The following PTRH1 variants were observed in gnomAD, a reference collection of about 807,000 sequenced individuals.
The protein encoded by PTRH1 is peptidyl-tRNA hydrolase.
A neutral mutation model predicts 15.7 loss-of-function variants in PTRH1; 13 were observed. The observed-to-expected ratio is 0.83, with a 90% CI of 0.54 to 1.31. The LOEUF (loss-of-function observed/expected upper bound fraction) is 1.31. Among genes scored for constraint, PTRH1 ranks in the 40% most tolerant of loss-of-function variants. The pLI is 0.00. For missense variants in PTRH1, 319 were observed against 296.2 expected (o/e 1.08, Z -0.56); for synonymous variants, 139 against 136.7 (o/e 1.02, Z -0.12).
intron 1 of PTRH1, among the ~76,000 whole-genome samples, chr9:127,698,237 A>C (rs188419713): frequency 2.0e-5 from 3 of 152,368 alleles, no homozygotes; most frequent in Non-Finnish European, 4.4e-5. Flanking sequence ...TCTATTTAAA[A>C]ATAAATGAAA....
chr9:127,712,726 G>A (rs1362500574), downstream of PTRH1: 2 of 1,614,066 alleles, frequency 1.2e-6, no homozygotes, highest in East Asian at 2.2e-5. Context: ...GCGATGAAGA[G>A]GACAGTGACG....
At chr9:127,709,456 G>A (rs1299687857), downstream of PTRH1, 3 of 1,613,814 alleles carry the variant, frequency 1.9e-6, no homozygotes, top group South Asian at 1.1e-5. This position sits in a 1 kb window ranked among gnomAD's most constrained non-coding sequence, Gnocchi z 4.7. Flanking sequence ...GGCTGTGCAG[G>A]AGAAGATGTT....
At chr9:127,700,914 T>C (rs930856545) in intron 1 of PTRH1, among the ~76,000 whole-genome samples, 4 of 152,188 alleles carry the variant, frequency 2.6e-5, no homozygotes, top group African/African-American at 4.8e-5. Context: ...TCTGGCCAAT[T>C]TACAGAGCAC....
chr9:127,703,944 G>A (rs1315353005), intron 1 of PTRH1, among the ~76,000 whole-genome samples: 3 of 152,204 alleles, frequency 2.0e-5, no homozygotes, highest in Non-Finnish European at 2.9e-5. Context: ...ACACAGGGAT[G>A]GGCAGGGAGG....
At position 127,706,152 on chromosome 9, in the gene PTRH1, A is replaced by G. The variant is rs940389564; in HGVS notation, c.205+9283T>C. On this transcript the variant is annotated intron_variant, in intron 1 of 2. Coordinates refer to the PTRH1 transcript ENST00000335223. Reference sequence around the variant, plus strand: ...TTGGCCCAAGGACCCACTGGAGGTCAGACAGAGCCCAAATGTGAGCCCACT... The same window carrying G: ...TTGGCCCAAGGACCCACTGGAGGTCGGACAGAGCCCAAATGTGAGCCCACT... 2.0e-5 allele frequency among the ~76,000 whole-genome samples: 3 copies of G among 152,308 alleles called. No homozygotes were observed. The East Asian group carries it at 5.8e-4, about 29-fold the overall frequency.
downstream of PTRH1, chr9:127,711,124 G>C: frequency 7.2e-7 from 1 of 1,392,830 alleles, no homozygotes; most frequent in South Asian, 1.4e-5. Flanking sequence ...GAGAGAGCAT[G>C]CTGGTGTTTA....
chr9:127,697,810 TCTC>T (rs1256471268), intron 1 of PTRH1, among the ~76,000 whole-genome samples: 1 of 152,126 alleles, frequency 6.6e-6, no homozygotes, highest in Admixed American at 6.6e-5. Context: ...AGAATTTGAG[TCTC>T]CTCCTGGAGG....
chr9:127,694,887 G>T, intron 2 of PTRH1: 5 of 672,758 alleles, frequency 7.4e-6, no homozygotes, highest in Non-Finnish European at 1.1e-5. Context: ...GAAGCAGAAG[G>T]CCAGAGTGGT....
intron 2 of PTRH1, 97 bp from the exon 3 acceptor site, chr9:127,714,799 C>T: frequency 8.5e-7 from 1 of 1,171,940 alleles, no homozygotes; most frequent in Non-Finnish European, 1.2e-6. Flanking sequence ...AATCCCACTT[C>T]ACATATAAAG....
chr9:127,701,094 A>C (rs755860010), intron 1 of PTRH1, among the ~76,000 whole-genome samples: 2 of 152,196 alleles, frequency 1.3e-5, no homozygotes, highest in Non-Finnish European at 2.9e-5. Context: ...CCCCTCCTAC[A>C]ATCTGCTGAA....
At chr9:127,712,741 C>T (rs553511710), downstream of PTRH1, 36 of 1,614,162 alleles carry the variant, frequency 2.2e-5, 1 homozygote, top group Middle Eastern at 3.3e-4. Flanking sequence ...GTGACGTTGA[C>T]GTGACGTTCC....
chr9:127,698,957 G>T (rs1381977880), intron 1 of PTRH1, among the ~76,000 whole-genome samples: 1 of 149,396 alleles, frequency 6.7e-6, no homozygotes, highest in South Asian at 2.1e-4. Flanking sequence ...CTGGAGTGCA[G>T]CGGTGTGATC....
chr9:127,713,011 T>A (rs1588395842), downstream of PTRH1: 2 of 1,611,426 alleles, frequency 1.2e-6, no homozygotes, highest in African/African-American at 2.7e-5. Flanking sequence ...CTCGGCCCCC[T>A]CCCCACAGCC....
At chr9:127,709,751 CCT>C, downstream of PTRH1, 1 of 1,552,528 alleles carries the variant, frequency 6.4e-7, no homozygotes, top group Non-Finnish European at 8.8e-7. The surrounding 1 kb of genome is among the most constrained non-coding windows in gnomAD (Gnocchi z 4.7). Flanking sequence ...TATCACTGAC[CCT>C]GTTTCTCACC....
At chr9:127,701,914 CA>C (rs111470749) in intron 1 of PTRH1, among the ~76,000 whole-genome samples, 256 of 135,150 alleles carry the variant, frequency 1.9e-3, no homozygotes, top group Middle Eastern at 3.9e-3. Flanking sequence ...AACTCTGTCT[CA>C]AAAAAAAAAA....
downstream of PTRH1, chr9:127,710,460 G>C (rs1842739001): frequency 1.0e-6 from 1 of 971,454 alleles, no homozygotes; most frequent in Admixed American, 2.5e-5. Flanking sequence ...CAGGGTAGGT[G>C]GGGGATGGTA....
chr9:127,707,622 C>A (rs1013288522), intron 1 of PTRH1, among the ~76,000 whole-genome samples: 3 of 152,176 alleles, frequency 2.0e-5, no homozygotes, highest in Non-Finnish European at 4.4e-5. Flanking sequence ...AGTTGTTTCT[C>A]CATGCTGGGC....
chr9:127,713,924 T>C lies in PTRH1; in HGVS notation c.*176A>G. ...CAAGTAGGACACAGAGAGAAGAACC[T>C]ACTCCAGAAATGGACTGGTCCAGTC... On this transcript the variant is annotated 3_prime_UTR_variant, in exon 5 of 5. Transcript: ENST00000543175. The C allele has an allele frequency of 6.2e-7, 1 of 1,611,300 alleles. No individual in the cohort carries two copies. The highest frequency in any genetic ancestry group is 8.5e-7 in the Non-Finnish European group (1 of 1,177,544).
intron 2 of PTRH1, among the ~76,000 whole-genome samples, chr9:127,694,693 C>G (rs1443119435): frequency 1.3e-5 from 2 of 152,178 alleles, no homozygotes; most frequent in Non-Finnish European, 2.9e-5. Flanking sequence ...CTGAGTCCCG[C>G]AGCCTGGACC....
Sources: allele counts gnomAD v4.1 joint callset (sites outside exome capture counted in the v4.1 genomes callset), GRCh38; gene constraint gnomAD v4.1.1; non-coding constraint Gnocchi (gnomAD v3.1); transcripts MANE v1.5; gene names NCBI Gene and HGNC (gene_info 2026-07-23, HGNC 2026-07-21).